GFY: variants seen among roughly 807,000 people sequenced by gnomAD.
GFY encodes golgi associated olfactory signaling regulator.
In GFY, 28 loss-of-function variants were observed where a neutral mutation model predicts 29.1. The observed-to-expected ratio is 0.96, with a 90% CI of 0.71 to 1.32. GFY has a LOEUF of 1.32. GFY is among the 40% of genes most tolerant of loss of function. GFY has a pLI of 0.00. For missense variants in GFY, 656 were observed against 661.9 expected (o/e 0.99, Z 0.10); for synonymous variants, 277 against 274.5 (o/e 1.01, Z -0.09).
chr19:49,427,510 G>T lies in GFY; in HGVS notation c.1080G>T (p.Gly360=). 1 of 1,531,114 alleles carries T rather than the reference G, an allele frequency of 6.5e-7. No homozygotes were observed. The highest frequency in any genetic ancestry group is 8.7e-7 in the Non-Finnish European group (1 of 1,144,054). The allele number at this position is 1,531,114 out of a possible 1,614,324, so 94.8% of individuals were successfully genotyped here. ...TTGCAGGTCCCCCTGCTCTTCCAGG[G>T]CGCCCCAGTCAGTTGGCCCCTGCCA... ...ARIAGPPALP[G]RPSQLAPATL... is the part of the protein sequence containing the mutation. The change falls in exon 2 of 4, where the codon GGG becomes GGT. Residue 360 remains glycine (G), a synonymous_variant. Coordinates refer to ENST00000610896, the MANE Select transcript of GFY (RefSeq NM_001195256.2).
chr19:49,424,392 A>T (rs756552089), upstream of GFY, among the ~76,000 whole-genome samples: 1 of 152,040 alleles, frequency 6.6e-6, no homozygotes, highest in African/African-American at 2.4e-5. Context: ...ACAGGTGCCC[A>T]CCATCACGCC....
At position 49,427,598 on chromosome 19, in the gene GFY, C is replaced by G; in HGVS notation, c.1168C>G (p.Arg390Gly). Reference sequence around the variant, plus strand: ...AGTCAACACCATCATCGTGGTGGAGCGAGTGAAGGAGACCGGTGAGGGGCA... The same window carrying G: ...AGTCAACACCATCATCGTGGTGGAGGGAGTGAAGGAGACCGGTGAGGGGCA... ...EGVNTIIVVE[R>G]VKETGVTLVG... is the part of the protein sequence containing the mutation. Residue 390 changes from arginine (R) to glycine (G), a missense_variant, in exon 2 of 4, where the codon CGA becomes GGA. Coordinates refer to ENST00000610896, the MANE Select transcript of GFY (RefSeq NM_001195256.2). The G allele has an allele frequency of 6.8e-7, 1 of 1,469,020 alleles. No individual in the cohort carries two copies. Among genetic ancestry groups the G allele is most frequent in the East Asian group, 2.5e-5 (1 of 40,518 alleles). The allele number at this position is 1,469,020 out of a possible 1,614,324, so 91.0% of individuals were successfully genotyped here.
Position 49,425,487 on chromosome 19 carries a change from C to G in GFY, c.-24C>G, listed in dbSNP as rs1975062993. On this transcript the variant is annotated splice_region_variant and 5_prime_UTR_variant, in exon 1 of 4. Transcript: ENST00000610896. ...TCTGCTGTTACCTTGGACACCAGAG[C>G]AGGTAAGAGACCCCAGGACCTCAAG... The G allele has an allele frequency of 6.6e-6, 1 of 152,446 alleles. No homozygotes were observed. The highest frequency in any genetic ancestry group is 1.5e-5 in the Non-Finnish European group (1 of 68,236). 9.4% of individuals were successfully genotyped at this position (152,446 alleles called of 1,614,324 possible). A position where few individuals can be genotyped will look rare whatever the true frequency, so the allele number is the denominator to read the frequency against.
In GFY at chr19:49,426,914, C is replaced by T. The variant is rs1437781371; in HGVS notation, c.484C>T (p.Arg162Cys). Residue 162 changes from arginine to cysteine, a missense_variant, in exon 2 of 4, where the codon CGC (arginine) becomes TGC (cysteine). By Grantham distance (180) the Arg-to-Cys change is radical. Transcript: ENST00000610896. ...TPKPNFSKTS[R>C]PEFPETPNTD... ...CAAACCTAACTTCTCCAAAACTTCACGCCCAGAATTTCCTGAGACCCCAAA... is the reference window on the plus strand; with the variant it reads ...CAAACCTAACTTCTCCAAAACTTCATGCCCAGAATTTCCTGAGACCCCAAA... 11 of 1,535,774 alleles carry T rather than the reference C, an allele frequency of 7.2e-6. No individual in the cohort carries two copies. The highest frequency in any genetic ancestry group is 1.4e-5 in the African/African-American group (1 of 72,914).
upstream of GFY, among the ~76,000 whole-genome samples, chr19:49,425,285 C>T (rs113866607): frequency 1.3e-5 from 2 of 152,174 alleles, no homozygotes; most frequent in African/African-American, 4.8e-5. Context: ...TTCCCCACCC[C>T]AGAGAAAATG....
intron 2 of GFY, 68 bp from the exon 3 acceptor site, chr19:49,427,878 G>C: frequency 1.3e-6 from 2 of 1,481,992 alleles, no homozygotes; most frequent in Non-Finnish European, 1.8e-6. Context: ...GGAGGGGCTA[G>C]GAGCTTGGAC....
chr19:49,428,779 G>C lies in GFY; in HGVS notation c.1518G>C (p.Glu506Asp). 6.7e-7 allele frequency: 1 copy of C among 1,489,060 alleles called. No individual in the cohort carries two copies. 92.2% of individuals were successfully genotyped at this position (1,489,060 alleles called of 1,614,324 possible). ...GCGGGGGTCGCCCGCAGCGTCTGGAGGCCCTGTCCCCCGCCACGCTCCCCA... is the reference window on the plus strand; with the variant it reads ...GCGGGGGTCGCCCGCAGCGTCTGGACGCCCTGTCCCCCGCCACGCTCCCCA... Reference protein sequence around the residue: ...PPRGGRPQRLEALSPATLPNN... With the variant: ...PPRGGRPQRLDALSPATLPNN... The change falls in exon 4 of 4, where the codon GAG (glutamate) becomes GAC (aspartate). Residue 506 changes from glutamate to aspartate, a missense_variant. Physicochemically the swap from Glu to Asp is conservative, Grantham distance 45. Coordinates refer to ENST00000610896, the MANE Select transcript of GFY (RefSeq NM_001195256.2).
At chr19:49,424,532 G>C (rs1041036501), upstream of GFY, among the ~76,000 whole-genome samples, 2 of 150,396 alleles carry the variant, frequency 1.3e-5, no homozygotes, top group Non-Finnish European at 3.0e-5. Flanking sequence ...GCGTGAGCCA[G>C]CACACCCAGT....
Position 49,428,702 on chromosome 19 carries a change from A to C in GFY, c.1441A>C (p.Lys481Gln), listed in dbSNP as rs1468035481. Residue 481 changes from lysine (K) to glutamine (Q), a missense_variant, in exon 4 of 4, where the codon AAG becomes CAG. Coordinates refer to ENST00000610896, the MANE Select transcript of GFY (RefSeq NM_001195256.2). ...DTWVPSHIAT[K>Q]QPPPTPPLPP... Reference sequence around the variant, plus strand: ...CTGGGTCCCTTCCCACATCGCCACCAAGCAGCCCCCGCCCACACCTCCTCT... The same window carrying C: ...CTGGGTCCCTTCCCACATCGCCACCCAGCAGCCCCCGCCCACACCTCCTCT... The C allele has an allele frequency of 1.3e-6, 2 of 1,530,362 alleles. No individual in the cohort carries two copies. The highest frequency in any genetic ancestry group is 1.7e-6 in the Non-Finnish European group (2 of 1,144,336). 94.8% of individuals were successfully genotyped at this position (1,530,362 alleles called of 1,614,324 possible).
chr19:49,427,526 GC>G lies in GFY; in HGVS notation c.1100del (p.Pro367LeufsTer25), dbSNP rs1310404152. 3.3e-6 allele frequency: 5 copies of G among 1,524,094 alleles called. No individual in the cohort carries two copies. The South Asian group carries it at 6.1e-5, about 19-fold the overall frequency. 94.4% of individuals were successfully genotyped at this position (1,524,094 alleles called of 1,614,324 possible). A position where few individuals can be genotyped will look rare whatever the true frequency, so the allele number is the denominator to read the frequency against. ...TCTTCCAGGGCGCCCCAGTCAGTTGGCCCCTGCCACTCTGCGGGCACCCCAG... is the reference window on the plus strand; with the variant it reads ...TCTTCCAGGGCGCCCCAGTCAGTTGGCCCTGCCACTCTGCGGGCACCCCAG... ...PALPGRPSQL[A>X]PATLRAPQRH... On this transcript the variant is annotated frameshift_variant, in exon 2 of 4. Coordinates refer to ENST00000610896, the MANE Select transcript of GFY (RefSeq NM_001195256.2). LOFTEE classifies it high-confidence loss of function.
chr19:49,428,900 G>A lies in GFY; in HGVS notation c.*82G>A. 1 of 965,340 alleles carries A rather than the reference G, an allele frequency of 1.0e-6. No homozygotes were observed. Among genetic ancestry groups the A allele is most frequent in the Middle Eastern group, 3.1e-4 (1 of 3,222 alleles). The allele number at this position is 965,340 out of a possible 1,614,324, so 59.8% of individuals were successfully genotyped here. On this transcript the variant is annotated 3_prime_UTR_variant, in exon 4 of 4. Coordinates refer to ENST00000610896, the MANE Select transcript of GFY (RefSeq NM_001195256.2). Reference sequence around the variant, plus strand: ...TTCTGGTATGCTTAGCTAGAGTAGTGCCCCGGATAAAGGGTCTAATATACA... The same window carrying A: ...TTCTGGTATGCTTAGCTAGAGTAGTACCCCGGATAAAGGGTCTAATATACA...
chr19:49,428,848 T>A lies in GFY; in HGVS notation c.*30T>A. On this transcript the variant is annotated 3_prime_UTR_variant, in exon 4 of 4. Coordinates refer to ENST00000610896, the MANE Select transcript of GFY (RefSeq NM_001195256.2). Reference sequence around the variant, plus strand: ...CACCGAGTTCTGCCGGACCTGCACATCCCCACAGTGAAGGAAAACCCTGCG... The same window carrying A: ...CACCGAGTTCTGCCGGACCTGCACAACCCCACAGTGAAGGAAAACCCTGCG... 6.5e-6 allele frequency: 9 copies of A among 1,384,764 alleles called. No individual in the cohort carries two copies. The highest frequency in any genetic ancestry group is 8.5e-6 in the Non-Finnish European group (9 of 1,058,426). The allele number at this position is 1,384,764 out of a possible 1,614,324, so 85.8% of individuals were successfully genotyped here. A position where few individuals can be genotyped will look rare whatever the true frequency, so the allele number is the denominator to read the frequency against.
upstream of GFY, among the ~76,000 whole-genome samples, chr19:49,424,762 G>C (rs923934318): frequency 5.3e-5 from 8 of 151,920 alleles, no homozygotes; most frequent in African/African-American, 1.9e-4. Context: ...TTGAACCTGG[G>C]AGAGGGAGGT....
Position 49,426,742 on chromosome 19 carries a change from C to G in GFY, c.312C>G (p.Thr104=). 1 of 1,535,854 alleles carries G rather than the reference C, an allele frequency of 6.5e-7. No individual in the cohort carries two copies. The highest frequency in any genetic ancestry group is 8.7e-7 in the Non-Finnish European group (1 of 1,146,822). Residue 104 remains threonine, a synonymous_variant, in exon 2 of 4, where the codon ACC becomes ACG. Coordinates refer to ENST00000610896, the MANE Select transcript of GFY (RefSeq NM_001195256.2). ...CCCCGCACCCAGAGTCTCCTGAGAC[C>G]CCCAAAGCTGACTCACTCACAACCT... ...RETPHPESPE[T]PKADSLTTSI...
At chr19:49,427,799 C>A in intron 2 of GFY, 147 bp from the exon 3 acceptor site, 1 of 754,046 alleles carries the variant, frequency 1.3e-6, no homozygotes, top group East Asian at 4.0e-5. Context: ...GAGGGAGGAC[C>A]GGCTGGGGTC....
chr19:49,426,634 G>A lies in GFY; in HGVS notation c.204G>A (p.Glu68=). The stretch of plus-strand genomic sequence containing the variant: ...AATTTCCTGGGACTCCTTACCCTGA[G>A]CCTTCCAAGCTACCTCATACGGTTT... The part of the protein sequence containing the change: ...NPEFPGTPYP[E]PSKLPHTVSL... Residue 68 remains glutamate, a synonymous_variant, in exon 2 of 4, where the codon GAG becomes GAA. Transcript: ENST00000610896. 1 of 1,535,812 alleles carries A rather than the reference G, an allele frequency of 6.5e-7. No individual in the cohort carries two copies. Among genetic ancestry groups the A allele is most frequent in the Non-Finnish European group, 8.7e-7 (1 of 1,146,824 alleles).
Position 49,427,213 on chromosome 19 carries a change from C to T in GFY, c.783C>T (p.Phe261=). 1 of 1,536,068 alleles carries T rather than the reference C, an allele frequency of 6.5e-7. No individual in the cohort carries two copies. Among genetic ancestry groups the T allele is most frequent in the Middle Eastern group, 1.7e-4 (1 of 5,990 alleles). Residue 261 remains phenylalanine, a synonymous_variant, in exon 2 of 4, where the codon TTC becomes TTT. Coordinates refer to ENST00000610896, the MANE Select transcript of GFY (RefSeq NM_001195256.2). ...PSPTEISQTE[F]PTTYYQNATD... ...CCACCGAAATTTCCCAAACAGAATT[C>T]CCCACAACCTACTACCAAAATGCAA...
chr19:49,428,819 G>A lies in GFY; in HGVS notation c.*1G>A. The A allele has an allele frequency of 3.5e-6, 5 of 1,433,420 alleles. No individual in the cohort carries two copies. Among genetic ancestry groups the A allele is most frequent in the Non-Finnish European group, 4.6e-6 (5 of 1,094,650 alleles). 88.8% of individuals were successfully genotyped at this position (1,433,420 alleles called of 1,614,324 possible). On this transcript the variant is annotated 3_prime_UTR_variant, in exon 4 of 4. Transcript: ENST00000610896. ...CACGCTCCCCAACAACTTCGTGTGA[G>A]CCCCACCGAGTTCTGCCGGACCTGC...
Position 49,426,946 on chromosome 19 carries a change from C to A in GFY, c.516C>A (p.Asp172Glu), listed in dbSNP as rs963953771. ...RPEFPETPNT[D>E]LMQTTPQESP... ...AATTTCCTGAGACCCCAAACACTGA[C>A]CTTATGCAAACTACACCCCAAGAAT... Residue 172 changes from aspartate (D) to glutamate (E), a missense_variant, in exon 2 of 4, where the codon GAC (aspartate) becomes GAA (glutamate). Coordinates refer to ENST00000610896, the MANE Select transcript of GFY (RefSeq NM_001195256.2). 4.6e-6 allele frequency: 7 copies of A among 1,535,782 alleles called. No homozygotes were observed. The highest frequency in any genetic ancestry group is 2.4e-5 in the East Asian group (1 of 40,916).
Sources: allele counts gnomAD v4.1 joint callset (sites outside exome capture counted in the v4.1 genomes callset), GRCh38; gene constraint gnomAD v4.1.1; transcripts MANE v1.5; gene names NCBI Gene and HGNC (gene_info 2026-07-23, HGNC 2026-07-21).